The following DHX40 variants were observed in gnomAD, a reference collection of about 807,000 sequenced individuals.
DHX40 encodes probable ATP-dependent RNA helicase DHX40.
A neutral mutation model predicts 89.6 loss-of-function variants in DHX40; 28 were observed. The observed-to-expected ratio is 0.31, with a 90% CI of 0.23 to 0.43. The LOEUF is 0.43. Among genes scored for constraint, DHX40 ranks in the 20% least tolerant of loss-of-function variants. The pLI is 1.00. For missense variants in DHX40, 457 were observed against 844.0 expected, an observed-to-expected ratio of 0.54 and a Z score of 5.68; for synonymous variants, 226 against 283.6, an observed-to-expected ratio of 0.80 and a Z score of 2.04.
At chr17:59,591,320 A>C (rs2049079151) in intron 12 of DHX40, among the ~76,000 whole-genome samples, 1 of 150,476 alleles carries the variant, frequency 6.6e-6, no homozygotes, top group Admixed American at 6.6e-5. Flanking sequence ...AGAAAAAAGA[A>C]AGAAAGAAAT....
rs570000770 is a variant in DHX40, at chr17:59,601,992, C to T, written c.1807-530C>T. ...GCCCTGTGAAAACACCATGCCCTTA[C>T]TTATCCTTTTAAGAGGTTCTTTTCT... On this transcript the variant is annotated intron_variant, in intron 14 of 17. Coordinates refer to ENST00000251241, the MANE Select transcript of DHX40 (RefSeq NM_024612.5). 9.2e-5 allele frequency among the ~76,000 whole-genome samples: 14 copies of T among 152,348 alleles called. No individual in the cohort carries two copies. The South Asian group carries it at 2.9e-3, about 32-fold the overall frequency.
intron 3 of DHX40, among the ~76,000 whole-genome samples, chr17:59,571,551 A>G (rs559371307): frequency 1.3e-5 from 2 of 151,180 alleles, no homozygotes; most frequent in East Asian, 3.9e-4. Context: ...AAACTCTTAT[A>G]GATTAAAACC....
Position 59,605,860 on chromosome 17 carries a change from G to A in DHX40, c.2200+186G>A, listed in dbSNP as rs897713573. ...TGCACCTGTAGTCCCAGTGACTTGGGAGGCTGATGCAGGAGGATCGCTTGA... is the reference window on the plus strand; with the variant it reads ...TGCACCTGTAGTCCCAGTGACTTGGAAGGCTGATGCAGGAGGATCGCTTGA... On this transcript the variant is annotated intron_variant, in intron 17 of 17. Transcript: ENST00000251241. 30 of 671,680 alleles carry A rather than the reference G, an allele frequency of 4.5e-5. No homozygotes were observed. In the African/African-American group the frequency reaches 4.6e-4, roughly 10 times the overall value. 41.6% of individuals were successfully genotyped at this position (671,680 alleles called of 1,614,324 possible).
At chr17:59,598,876 G>T (rs1407005147) in intron 13 of DHX40, 25 bp downstream of exon 13, 1 of 1,360,788 alleles carries the variant, frequency 7.3e-7, no homozygotes, top group East Asian at 2.3e-5. Flanking sequence ...CCTTTGTCCT[G>T]AAAAATGTCA....
intron 10 of DHX40, among the ~76,000 whole-genome samples, chr17:59,580,497 GA>G (rs2143259547): frequency 1.2e-5 from 1 of 81,194 alleles, no homozygotes; most frequent in African/African-American, 4.3e-5. Flanking sequence ...TATTTGTAAT[GA>G]AAGGTATATA....
chr17:59,593,823 C>A (rs1326341729), intron 12 of DHX40, among the ~76,000 whole-genome samples: 1 of 151,786 alleles, frequency 6.6e-6, no homozygotes, highest in Non-Finnish European at 1.5e-5. Context: ...AACTTTAATT[C>A]GTGGATTCTT....
At position 59,577,260 on chromosome 17, in the gene DHX40, C is replaced by A. The variant is rs1367412555; in HGVS notation, c.974-6C>A. The stretch of plus-strand genomic sequence containing the variant: ...AATTGGTATTTTCTTTTTATATATA[C>A]TTCAGATCAACAGAGGAGGATATTT... On this transcript the variant is annotated splice_region_variant and splice_polypyrimidine_tract_variant and intron_variant, in intron 7 of 17. Coordinates refer to ENST00000251241, the MANE Select transcript of DHX40 (RefSeq NM_024612.5). 6.2e-7 allele frequency: 1 copy of A among 1,609,196 alleles called. No homozygotes were observed. The highest frequency in any genetic ancestry group is 8.5e-7 in the Non-Finnish European group (1 of 1,175,828).
At position 59,586,371 on chromosome 17, in the gene DHX40, T is replaced by A. The variant is rs2048996971; in HGVS notation, c.1424+138T>A. 4 of 873,172 alleles carry A rather than the reference T, an allele frequency of 4.6e-6. No homozygotes were observed. The African/African-American group carries it at 5.2e-5, about 11-fold the overall frequency. The allele number at this position is 873,172 out of a possible 1,614,324, so 54.1% of individuals were successfully genotyped here. Reference sequence around the variant, plus strand: ...TGTTAGTCTTTCATCACAATTCTGATTGAAAAACCAGCCGGGCGCTGTGGC... The same window carrying A: ...TGTTAGTCTTTCATCACAATTCTGAATGAAAAACCAGCCGGGCGCTGTGGC... On this transcript the variant is annotated intron_variant, in intron 11 of 17. Coordinates refer to ENST00000251241, the MANE Select transcript of DHX40 (RefSeq NM_024612.5).
chr17:59,601,064 GA>G (rs1444558433), intron 14 of DHX40, among the ~76,000 whole-genome samples: 5 of 151,194 alleles, frequency 3.3e-5, no homozygotes, highest in African/African-American at 1.2e-4. Flanking sequence ...AGCACTTTGG[GA>G]AGCCGTAGTG....
intron 2 of DHX40, among the ~76,000 whole-genome samples, chr17:59,570,200 T>A (rs1168405742): frequency 1.0e-4 from 12 of 116,772 alleles, no homozygotes; most frequent in Non-Finnish European, 1.9e-4. Context: ...TATAATATAT[T>A]ATAATATATA....
intron 2 of DHX40, among the ~76,000 whole-genome samples, chr17:59,567,591 G>T (rs867654750): frequency 6.6e-6 from 1 of 152,150 alleles, no homozygotes; most frequent in South Asian, 2.1e-4. Flanking sequence ...TTTATGAGAC[G>T]ATGGGTTGAT....
At chr17:59,594,374 T>A (rs993477763) in intron 12 of DHX40, among the ~76,000 whole-genome samples, 1 of 151,614 alleles carries the variant, frequency 6.6e-6, no homozygotes, top group Non-Finnish European at 1.5e-5. Context: ...TCTTTGATAA[T>A]CCTTTCCCCA....
At chr17:59,576,818 T>C (rs1337287194) in intron 7 of DHX40, among the ~76,000 whole-genome samples, 3 of 152,136 alleles carry the variant, frequency 2.0e-5, no homozygotes, top group Admixed American at 2.0e-4. Flanking sequence ...AATTTCATTC[T>C]TTTTTACTGC....
chr17:59,565,722 G>T lies in DHX40; in HGVS notation c.51G>T (p.Glu17Asp). The change falls in exon 1 of 18, where the codon GAG becomes GAT. Residue 17 changes from glutamate (E) to aspartate (D), a missense_variant. Glu to Asp is a conservative substitution (Grantham distance 45). Around this residue, in one of 9 missense-constraint regions of DHX40, gnomAD observed 75 missense variants for 76.8 expected, o/e 0.98. Transcript: ENST00000251241. ...GCAGGGCGCCAAGGCGGCAGGAGGA[G>T]GGTGAGCGGTCAAGAGACCTCCAGG... ...VAGRAPRRQE[E>D]GERSRDLQEE... 1 of 1,604,982 alleles carries T rather than the reference G, an allele frequency of 6.2e-7. No individual in the cohort carries two copies. The highest frequency in any genetic ancestry group is 1.1e-5 in the South Asian group (1 of 91,066).
chr17:59,585,638 G>A (rs1319189810), intron 10 of DHX40, among the ~76,000 whole-genome samples: 3 of 150,240 alleles, frequency 2.0e-5, no homozygotes, highest in Non-Finnish European at 4.4e-5. Flanking sequence ...CAGGAGAATT[G>A]CTTGAACCTG....
At chr17:59,577,154 T>C (rs567091019) in intron 7 of DHX40, 112 bp from the exon 8 acceptor site, 96 of 874,284 alleles carry the variant, frequency 1.1e-4, no homozygotes, top group East Asian at 7.2e-4. Context: ...CAGGCGTGAG[T>C]CACCACGCCC....
intron 12 of DHX40, among the ~76,000 whole-genome samples, chr17:59,595,071 T>C (rs1039019434): frequency 6.8e-6 from 1 of 146,818 alleles, no homozygotes; most frequent in African/African-American, 2.6e-5. Context: ...TACTTATTTG[T>C]AGATTTTTTG....
intron 12 of DHX40, among the ~76,000 whole-genome samples, chr17:59,590,077 T>C (rs1197805191): frequency 8.4e-6 from 1 of 118,918 alleles, no homozygotes; most frequent in Admixed American, 8.0e-5. Flanking sequence ...AATTTACTAA[T>C]TTTTTTTTTG....
At chr17:59,594,960 T>G (rs928500677) in intron 12 of DHX40, among the ~76,000 whole-genome samples, 1 of 152,140 alleles carries the variant, frequency 6.6e-6, no homozygotes, top group African/African-American at 2.4e-5. Flanking sequence ...TTTGACTAGT[T>G]TAATAGATGT....
Sources: allele counts gnomAD v4.1 joint callset (sites outside exome capture counted in the v4.1 genomes callset), GRCh38; gene constraint gnomAD v4.1.1; regional missense constraint gnomAD v4.1.1; transcripts MANE v1.5; gene names NCBI Gene and HGNC (gene_info 2026-07-23, HGNC 2026-07-21).